DGKB: variants seen among roughly 807,000 people sequenced by gnomAD.
DGKB encodes the protein diacylglycerol kinase beta.
DGKB carries 67 observed loss-of-function variants against 114.3 expected under a neutral mutation model. The observed-to-expected ratio is 0.59, with a 90% CI of 0.48 to 0.72. The LOEUF is 0.72. Among genes scored for constraint, DGKB ranks in the 30% least tolerant of loss-of-function variants. The pLI, the probability that DGKB is intolerant of heterozygous loss-of-function variation, is 0.00. For missense variants in DGKB, 907 were observed against 975.2 expected, an observed-to-expected ratio of 0.93 and a Z score of 0.93; for synonymous variants, 398 against 323.1, an observed-to-expected ratio of 1.23 and a Z score of -2.49.
chr7:14,475,561 T>C (rs1782044380), intron 21 of DGKB, among the ~76,000 whole-genome samples: 1 of 152,136 alleles, frequency 6.6e-6, no homozygotes, highest in South Asian at 2.1e-4. Context: ...ACATTGAACA[T>C]CTACTCTATA....
chr7:14,904,669 C>A (rs1251685238), upstream of DGKB, among the ~76,000 whole-genome samples: 1 of 152,110 alleles, frequency 6.6e-6, no homozygotes. Context: ...TTTTAAAAAT[C>A]ATATAATACC....
intron 21 of DGKB, among the ~76,000 whole-genome samples, chr7:14,386,169 A>G (rs4721332): frequency 1 from 152,196 of 152,340 alleles, 76,029 homozygotes; most frequent in Non-Finnish European, 1. Flanking sequence ...TGTACGCCTG[A>G]AAGCTTCTAA....
intron 21 of DGKB, among the ~76,000 whole-genome samples, chr7:14,436,504 A>G: frequency 6.6e-6 from 1 of 151,854 alleles, no homozygotes; most frequent in East Asian, 1.9e-4. Flanking sequence ...CTGGACATTT[A>G]TTTTGGTATG....
At chr7:14,587,447 C>G (rs934456982) in intron 17 of DGKB, among the ~76,000 whole-genome samples, 5 of 152,198 alleles carry the variant, frequency 3.3e-5, no homozygotes, top group African/African-American at 1.2e-4. Context: ...GCTGTGAACA[C>G]TGTCGAAATG....
rs904176893 is a variant in DGKB at position 14,613,430 on chromosome 7, A to G, written c.1285-17T>C. On this transcript the variant is annotated splice_polypyrimidine_tract_variant and intron_variant, in intron 15 of 25. Coordinates refer to ENST00000402815, the MANE Select transcript of DGKB (RefSeq NM_001350709.2). ...AGGAGTGACCTATAAGAAAAGTTAT[A>G]TACATGGAAAAATTATTAGGCCCAT... The G allele has an allele frequency of 1.5e-5, 22 of 1,425,186 alleles. No homozygotes were observed. In the Admixed American group the frequency reaches 2.1e-4, roughly 14 times the overall value. The allele number at this position is 1,425,186 out of a possible 1,614,324, so 88.3% of individuals were successfully genotyped here. A position where few individuals can be genotyped will look rare whatever the true frequency, so the allele number is the denominator to read the frequency against.
chr7:14,313,853 C>T (rs1805921016), intron 23 of DGKB, among the ~76,000 whole-genome samples: 1 of 152,198 alleles, frequency 6.6e-6, no homozygotes, highest in African/African-American at 2.4e-5. Context: ...AAAAAGACAG[C>T]AGTAACCTCT....
At chr7:14,630,132 G>A (rs1171146158) in intron 14 of DGKB, 104 bp downstream of exon 14, 1 of 617,846 alleles carries the variant, frequency 1.6e-6, no homozygotes, top group South Asian at 3.2e-5. Flanking sequence ...ATAACATGCT[G>A]GTATTCGAAT....
chr7:14,349,369 T>A (rs1471031183), intron 21 of DGKB, among the ~76,000 whole-genome samples: 3 of 152,140 alleles, frequency 2.0e-5, no homozygotes, highest in Non-Finnish European at 1.5e-5. Flanking sequence ...GTATCATAGT[T>A]TGAAAATTTA....
intron 21 of DGKB, among the ~76,000 whole-genome samples, chr7:14,433,354 A>G (rs957626959): frequency 1.3e-5 from 2 of 152,122 alleles, no homozygotes; most frequent in African/African-American, 2.4e-5. Context: ...GCAAATTTCC[A>G]TATCAGAATC....
rs1181461786 is a variant in DGKB at position 14,717,637 on chromosome 7, C to G, written c.466+905G>C. Reference sequence around the variant, plus strand: ...TACTAAATTTAACTAAAAATGCCCCCCAATAATAATTCTGAGACGTCATGA... The same window carrying G: ...TACTAAATTTAACTAAAAATGCCCCGCAATAATAATTCTGAGACGTCATGA... On this transcript the variant is annotated intron_variant, in intron 6 of 25. Transcript: ENST00000402815. Among the ~76,000 whole-genome samples the G allele has an allele frequency of 2.0e-5, 3 of 151,950 alleles. No homozygotes were observed. In the East Asian group the frequency reaches 5.8e-4, roughly 29 times the overall value.
chr7:14,717,348 C>A (rs1828371753), intron 6 of DGKB, among the ~76,000 whole-genome samples: 1 of 152,052 alleles, frequency 6.6e-6, no homozygotes, highest in Non-Finnish European at 1.5e-5. Flanking sequence ...CCTGATAACA[C>A]CTGAGCAAAC....
intron 2 of DGKB, among the ~76,000 whole-genome samples, chr7:14,766,103 G>A (rs1429361538): frequency 4.0e-5 from 6 of 151,884 alleles, no homozygotes; most frequent in African/African-American, 7.2e-5. Context: ...GATAAAGAAC[G>A]GAAATAAAAA....
At chr7:14,681,637 A>C (rs552902918) in intron 12 of DGKB, among the ~76,000 whole-genome samples, 1 of 152,190 alleles carries the variant, frequency 6.6e-6, no homozygotes, top group South Asian at 2.1e-4. Context: ...TAAGCTGGGA[A>C]ACAAAACCTC....
intron 23 of DGKB, among the ~76,000 whole-genome samples, chr7:14,254,314 T>G (rs1356722194): frequency 3.9e-5 from 6 of 152,208 alleles, no homozygotes; most frequent in Non-Finnish European, 8.8e-5. Context: ...AGCCATTTGT[T>G]GAGGGTGCAG....
chr7:14,197,393 TAA>T (rs370798048), intron 23 of DGKB, among the ~76,000 whole-genome samples: 1 of 143,118 alleles, frequency 7.0e-6, no homozygotes, highest in African/African-American at 2.6e-5. Flanking sequence ...GAACAAACCG[TAA>T]AAAAAAAAAG....
At chr7:14,938,490 G>A (rs1332386458) in intron 1 of DGKB, among the ~76,000 whole-genome samples, 2 of 152,166 alleles carry the variant, frequency 1.3e-5, no homozygotes, top group Non-Finnish European at 2.9e-5. Context: ...AATCTGTAGA[G>A]AGACAGACAA....
chr7:14,517,676 A>C (rs1010665388), intron 20 of DGKB, among the ~76,000 whole-genome samples: 13 of 152,168 alleles, frequency 8.5e-5, no homozygotes, highest in African/African-American at 3.1e-4. Context: ...CTGCAAAAGA[A>C]GACATACACA....
intron 13 of DGKB, among the ~76,000 whole-genome samples, chr7:14,632,962 G>C (rs997908188): frequency 6.6e-6 from 1 of 151,812 alleles, no homozygotes. Flanking sequence ...GGTAAAACAG[G>C]TCCGATGTTG....
intron 20 of DGKB, among the ~76,000 whole-genome samples, chr7:14,514,057 G>T (rs749735271): frequency 1.1e-4 from 16 of 152,016 alleles, no homozygotes; most frequent in Non-Finnish European, 1.5e-4. Flanking sequence ...AATGATAAAT[G>T]TTAAACATCT....
Sources: allele counts gnomAD v4.1 joint callset (sites outside exome capture counted in the v4.1 genomes callset), GRCh38; gene constraint gnomAD v4.1.1; transcripts MANE v1.5; gene names NCBI Gene and HGNC (gene_info 2026-07-23, HGNC 2026-07-21).